FBXO25: variants seen among roughly 807,000 people sequenced by gnomAD.
FBXO25 encodes the protein F-box protein 25.
FBXO25 carries 45 observed loss-of-function variants against 51.9 expected under a neutral mutation model. That is an observed-to-expected ratio of 0.87 (90% CI 0.68 to 1.11). The LOEUF (loss-of-function observed/expected upper bound fraction) is 1.11. Ranked by LOEUF, FBXO25 falls within the 50% of genes most tolerant of loss-of-function variation. The pLI, the probability that FBXO25 is intolerant of heterozygous loss-of-function variation, is 0.00. For synonymous variants in FBXO25, 199 were observed against 151.0 expected (o/e 1.32, Z -2.33); for missense variants, 507 against 428.5 (o/e 1.18, Z -1.62).
At chr8:460,767 A>C (rs527904779) in intron 8 of FBXO25, among the ~76,000 whole-genome samples, 5 of 152,384 alleles carry the variant, frequency 3.3e-5, no homozygotes, top group African/African-American at 1.2e-4. Flanking sequence ...TTGTTTTAAC[A>C]GTACCTGCCT....
intron 5 of FBXO25, 37 bp from the exon 6 acceptor site, chr8:449,953 T>C (rs777157155): frequency 4.4e-6 from 6 of 1,365,296 alleles, no homozygotes; most frequent in Admixed American, 1.9e-5. Context: ...ATATTAAATA[T>C]ATATATCGCT....
In FBXO25 at chr8:469,119, A is replaced by G. The variant is rs1167547630; in HGVS notation, c.*315A>G. 1 of 262,064 alleles carries G rather than the reference A, an allele frequency of 3.8e-6. No homozygotes were observed. The highest frequency in any genetic ancestry group is 7.3e-5 in the East Asian group (1 of 13,660). 16.2% of individuals were successfully genotyped at this position (262,064 alleles called of 1,614,324 possible). On this transcript the variant is annotated 3_prime_UTR_variant, in exon 10 of 10. Transcript: ENST00000350302. ...GTGGTCAGCTCCACATTCTTTGTTG[A>G]CGTGACACTAACGGCCAATAATATG...
Position 411,812 on chromosome 8 carries a change from T to C in FBXO25, c.-7-1261T>C, listed in dbSNP as rs565682130. On this transcript the variant is annotated intron_variant, in intron 1 of 9. Coordinates refer to ENST00000350302, the MANE Select transcript of FBXO25 (RefSeq NM_183420.2). ...GGAGTCAGGGAGCCTTTCTGGGATG[T>C]GACATTTTGAATCAGCAGTGTGAGC... Among the ~76,000 whole-genome samples the C allele has an allele frequency of 3.3e-5, 5 of 152,252 alleles. No homozygotes were observed. The South Asian group carries it at 1.0e-3, about 32-fold the overall frequency.
At chr8:428,003 A>G (rs1424165950) in intron 2 of FBXO25, among the ~76,000 whole-genome samples, 2 of 152,172 alleles carry the variant, frequency 1.3e-5, no homozygotes, top group Admixed American at 1.3e-4. Flanking sequence ...ATACCATCAG[A>G]GGAAAATGCA....
chr8:442,703 C>T (rs1219360342), intron 5 of FBXO25, among the ~76,000 whole-genome samples: 2 of 152,144 alleles, frequency 1.3e-5, no homozygotes, highest in Non-Finnish European at 2.9e-5. Context: ...CTCCTGACCT[C>T]AGGTGATCTG....
At chr8:414,777 C>T (rs1023644716) in intron 2 of FBXO25, among the ~76,000 whole-genome samples, 2 of 152,200 alleles carry the variant, frequency 1.3e-5, no homozygotes, top group Admixed American at 6.5e-5. Context: ...TTTATGACAG[C>T]AACGCTGGGT....
In FBXO25 at chr8:451,470, A is replaced by G. The variant is rs753046359; in HGVS notation, c.660+17A>G. ...ATGACTAAGGTATAAATATCTCGGCATAAGAGTTATTACACTCTGTTTTTA... is the reference window on the plus strand; with the variant it reads ...ATGACTAAGGTATAAATATCTCGGCGTAAGAGTTATTACACTCTGTTTTTA... On this transcript the variant is annotated intron_variant, in intron 7 of 9. Coordinates refer to ENST00000350302, the MANE Select transcript of FBXO25 (RefSeq NM_183420.2). The G allele has an allele frequency of 1.0e-5, 16 of 1,607,242 alleles. No individual in the cohort carries two copies. The highest frequency in any genetic ancestry group is 1.4e-5 in the Non-Finnish European group (16 of 1,176,054).
chr8:458,752 C>G (rs913084307), intron 8 of FBXO25, among the ~76,000 whole-genome samples: 2 of 152,176 alleles, frequency 1.3e-5, no homozygotes, highest in Admixed American at 1.3e-4. Context: ...TTGAATAGAA[C>G]CATGACTCTA....
rs1345421150 is a variant in FBXO25, at chr8:477,964, A to G, written c.*9160A>G. ...CATTTTCCATTAAAAGTTATATAACACTACTTTTTTGTACTCGTTACTTTT... is the reference window on the plus strand; with the variant it reads ...CATTTTCCATTAAAAGTTATATAACGCTACTTTTTTGTACTCGTTACTTTT... On this transcript the variant is annotated 3_prime_UTR_variant, in exon 10 of 10. Transcript: ENST00000350302. 6.6e-6 allele frequency: 1 copy of G among 152,194 alleles called. No homozygotes were observed. The highest frequency in any genetic ancestry group is 1.5e-5 in the Non-Finnish European group (1 of 68,048). The allele number at this position is 152,194 out of a possible 1,614,324, so 9.4% of individuals were successfully genotyped here.
chr8:446,777 A>G (rs920690769), intron 5 of FBXO25, among the ~76,000 whole-genome samples: 2 of 152,186 alleles, frequency 1.3e-5, no homozygotes, highest in African/African-American at 4.8e-5. Flanking sequence ...ATTTTTATGT[A>G]AATATGTTAG....
intron 5 of FBXO25, among the ~76,000 whole-genome samples, chr8:439,680 C>G (rs954184811): frequency 6.6e-6 from 1 of 152,172 alleles, no homozygotes. Context: ...TTGCTCTGCC[C>G]CTCCAAGACT....
At chr8:419,426 G>A (rs1797018787) in intron 2 of FBXO25, among the ~76,000 whole-genome samples, 1 of 152,174 alleles carries the variant, frequency 6.6e-6, no homozygotes, top group African/African-American at 2.4e-5. Flanking sequence ...AATCAAGAGA[G>A]TGGTATGTGG....
At chr8:429,040 C>G (rs575828303) in intron 2 of FBXO25, among the ~76,000 whole-genome samples, 1 of 149,678 alleles carries the variant, frequency 6.7e-6, no homozygotes, top group Non-Finnish European at 1.5e-5. Flanking sequence ...GCTTTCAGTT[C>G]TTTTGAATAT....
rs184675406 is a variant in FBXO25, at chr8:461,215, C to T, written c.844-1792C>T. ...TTTTGGTAACACCTTTATTAAGATA[C>T]CCTCCACTTTATGCAGCCATCACTA... On this transcript the variant is annotated intron_variant, in intron 8 of 9. Transcript: ENST00000350302. 3.3e-4 allele frequency among the ~76,000 whole-genome samples: 50 copies of T among 152,286 alleles called. 1 individual carries two copies. In the East Asian group the frequency reaches 8.7e-3, roughly 26 times the overall value.
intron 5 of FBXO25, among the ~76,000 whole-genome samples, chr8:438,817 C>G (rs1167911811): frequency 2.6e-5 from 4 of 152,196 alleles, no homozygotes; most frequent in Non-Finnish European, 4.4e-5. Flanking sequence ...CCAACTCAAG[C>G]CTACCTGGCT....
chr8:474,470 G>T lies in FBXO25; in HGVS notation c.*5666G>T. Reference sequence around the variant, plus strand: ...CCTATGTTTAATTTCTTAGGGCACTGCCATAAGTGTTTTACACGGTGGCTG... The same window carrying T: ...CCTATGTTTAATTTCTTAGGGCACTTCCATAAGTGTTTTACACGGTGGCTG... On this transcript the variant is annotated 3_prime_UTR_variant, in exon 10 of 10. Coordinates refer to ENST00000350302, the MANE Select transcript of FBXO25 (RefSeq NM_183420.2). The T allele has an allele frequency of 3.1e-6, 1 of 323,230 alleles. No individual in the cohort carries two copies. Among genetic ancestry groups the T allele is most frequent in the Non-Finnish European group, 6.0e-6 (1 of 167,822 alleles). The allele number at this position is 323,230 out of a possible 1,614,324, so 20.0% of individuals were successfully genotyped here.
chr8:441,380 A>G (rs139562201), intron 5 of FBXO25, among the ~76,000 whole-genome samples: 8,513 of 152,312 alleles, frequency 0.056, 382 homozygotes, highest in African/African-American at 0.13. Flanking sequence ...GATGGATTAA[A>G]GACTTAAACA....
chr8:457,120 AAC>A (rs994736499), intron 7 of FBXO25, among the ~76,000 whole-genome samples: 62 of 152,304 alleles, frequency 4.1e-4, no homozygotes, highest in African/African-American at 1.3e-3. Context: ...ACAAAAGGAA[AAC>A]ACAAATCAGA....
chr8:458,582 C>T (rs755612391), intron 8 of FBXO25, 31 bp downstream of exon 8: 6 of 1,607,150 alleles, frequency 3.7e-6, no homozygotes, highest in Non-Finnish European at 5.1e-6. Context: ...TCCCCTCAGG[C>T]TGGGAGTTTA....
Sources: gnomAD v4.1 joint callset for allele counts (sites outside exome capture counted in the v4.1 genomes callset) on GRCh38, gnomAD v4.1.1 for gene constraint, MANE v1.5 for transcripts, NCBI Gene and HGNC (gene_info 2026-07-23, HGNC 2026-07-21) for gene names.